DDHD2: variants seen among roughly 807,000 people sequenced by gnomAD.
The protein encoded by DDHD2 is DDHD domain containing 2.
A neutral mutation model predicts 91.2 loss-of-function variants in DDHD2; 62 were observed. The observed-to-expected ratio is 0.68, with a 90% confidence interval of 0.55 to 0.84. The LOEUF is 0.84. DDHD2 is among the 40% of genes least tolerant of loss of function. The pLI is 0.00. For synonymous variants in DDHD2, 271 were observed against 293.9 expected, an observed-to-expected ratio of 0.92 and a Z score of 0.80; for missense variants, 740 against 846.9, an observed-to-expected ratio of 0.87 and a Z score of 1.57.
chr8:38,267,408 TGGTTG>T, downstream of DDHD2: 1 of 1,610,650 alleles, frequency 6.2e-7, no homozygotes, highest in Non-Finnish European at 8.5e-7. Context: ...GAAAGCAGCA[TGGTTG>T]GAACGTAAAT....
Position 38,259,444 on chromosome 8 carries a change from G to A in DDHD2, c.2055-596G>A, listed in dbSNP as rs375186323. 1.1e-3 allele frequency among the ~76,000 whole-genome samples: 162 copies of A among 151,202 alleles called. 1 individual carries two copies. Among genetic ancestry groups the A allele is most frequent in the African/African-American group, 3.6e-3 (149 of 41,138 alleles). ...CCTATCTGCCAGGCTGGAGTGCAGT[G>A]GTGCAATCTCGGCTCACTGCAACCT... On this transcript the variant is annotated intron_variant, in intron 16 of 17. Transcript: ENST00000397166.
downstream of DDHD2, chr8:38,264,563 C>T: frequency 1.3e-6 from 2 of 1,588,380 alleles, no homozygotes; most frequent in Non-Finnish European, 1.7e-6. Context: ...CGATAGCAGA[C>T]ATAGGCAAAT....
At chr8:38,269,121 C>G in intron 1 of DDHD2, 1 of 1,524,516 alleles carries the variant, frequency 6.6e-7, no homozygotes, top group Non-Finnish European at 8.8e-7. Flanking sequence ...GTGGATCTTT[C>G]TTACAGGAAG....
At chr8:38,253,448 CAG>C (rs1284991094) in intron 15 of DDHD2, 106 bp from the exon 16 acceptor site, 10 of 975,628 alleles carry the variant, frequency 1.0e-5, no homozygotes, top group Non-Finnish European at 1.5e-5. Flanking sequence ...GCTCTCTGAA[CAG>C]AGAGTAGCTC....
At chr8:38,233,243 C>A (rs112920396) in intron 2 of DDHD2, 29 bp downstream of exon 2, 2 of 1,537,000 alleles carry the variant, frequency 1.3e-6, no homozygotes, top group East Asian at 4.5e-5. Flanking sequence ...TTGGAATAGA[C>A]AAAGACTCTC....
chr8:38,250,742 A>C (rs1040678419), intron 11 of DDHD2: 1 of 152,078 alleles, frequency 6.6e-6, no homozygotes, highest in Non-Finnish European at 1.5e-5. Flanking sequence ...TAGTATATTC[A>C]TAGAGTTATG....
chr8:38,249,799 C>T lies in DDHD2; in HGVS notation c.1340C>T (p.Ser447Leu), dbSNP rs772655754. ...ILNYFSTRKN[S>L]MGIKRPAPQP... ...AACTATTTCAGCACCAGAAAAAACTCAATGGTATGTGCCTAATACAGCTTG... is the reference window on the plus strand; with the variant it reads ...AACTATTTCAGCACCAGAAAAAACTTAATGGTATGTGCCTAATACAGCTTG... Residue 447 changes from serine (S) to leucine (L), a missense_variant, in exon 11 of 18, where the codon TCA becomes TTA. Coordinates refer to ENST00000397166, the MANE Select transcript of DDHD2 (RefSeq NM_015214.3). The T allele has an allele frequency of 3.8e-6, 6 of 1,596,500 alleles. No homozygotes were observed. Among genetic ancestry groups the T allele is most frequent in the Non-Finnish European group, 1.7e-6 (2 of 1,164,992 alleles).
chr8:38,250,263 C>CTTTTTTTTTT (rs34440135), intron 11 of DDHD2: 1 of 142,406 alleles, frequency 7.0e-6, no homozygotes, highest in Non-Finnish European at 1.6e-5. Context: ...TTTTTACATT[C>CTTTTTTTTTT]TTTTTTTTTT....
At position 38,240,423 on chromosome 8, in the gene DDHD2, G is replaced by A. The variant is rs915243795; in HGVS notation, c.712+59G>A. The A allele has an allele frequency of 2.3e-6, 3 of 1,279,094 alleles. No homozygotes were observed. The African/African-American group carries it at 4.4e-5, about 19-fold the overall frequency. The allele number at this position is 1,279,094 out of a possible 1,614,324, so 79.2% of individuals were successfully genotyped here. On this transcript the variant is annotated intron_variant, in intron 6 of 17. Transcript: ENST00000397166. ...CAGTGCTCTTGTGAGCTGAGATAAA[G>A]CCTTGTCTTTGGTCTATTGTCTTAG...
In DDHD2 at chr8:38,232,843, G is replaced by A. The variant is rs908919358; in HGVS notation, c.-8-144G>A. On this transcript the variant is annotated intron_variant, in intron 1 of 17. Transcript: ENST00000397166. The stretch of plus-strand genomic sequence containing the variant: ...TCCACCCATCCAGTTGCTAATTTAT[G>A]TTATTTCTCTTTTAAATTATGTAGA... The A allele has an allele frequency of 3.7e-5, 23 of 622,414 alleles. No individual in the cohort carries two copies. The African/African-American group carries it at 4.1e-4, about 11-fold the overall frequency. The allele number at this position is 622,414 out of a possible 1,614,324, so 38.6% of individuals were successfully genotyped here. A position where few individuals can be genotyped will look rare whatever the true frequency, so the allele number is the denominator to read the frequency against.
chr8:38,268,454 G>A (rs750992401), intron 1 of DDHD2: 72 of 1,570,686 alleles, frequency 4.6e-5, no homozygotes, highest in Admixed American at 7.5e-5. Context: ...AGAGAGAAAT[G>A]CAATAACCTG....
downstream of DDHD2, chr8:38,265,462 T>C (rs1258095723): frequency 6.6e-6 from 1 of 151,940 alleles, no homozygotes; most frequent in Non-Finnish European, 1.5e-5. Context: ...CCCAGCTGAT[T>C]TTGTATTTTT....
In DDHD2 at chr8:38,241,901, A is replaced by G. The variant is rs534500971; in HGVS notation, c.713-349A>G. 3.1e-4 allele frequency: 59 copies of G among 187,676 alleles called. No individual in the cohort carries two copies. In the South Asian group the frequency reaches 6.2e-3, roughly 20 times the overall value. The allele number at this position is 187,676 out of a possible 1,614,324, so 11.6% of individuals were successfully genotyped here. On this transcript the variant is annotated intron_variant, in intron 6 of 17. Coordinates refer to ENST00000397166, the MANE Select transcript of DDHD2 (RefSeq NM_015214.3). ...AAACCCCATCTGTACTAAAAATACA[A>G]AAATTAGCTGGGCATGGTGGTATGT...
downstream of DDHD2, chr8:38,267,758 G>T: frequency 2.2e-6 from 2 of 908,000 alleles, no homozygotes; most frequent in Admixed American, 2.3e-5. Flanking sequence ...GGGAGTAAGC[G>T]TTGAATGACA....
Position 38,252,259 on chromosome 8 carries a change from G to A in DDHD2, c.1589G>A (p.Cys530Tyr). Residue 530 changes from cysteine to tyrosine, a missense_variant, in exon 13 of 18, where the codon TGC (cysteine) becomes TAC (tyrosine). Coordinates refer to ENST00000397166, the MANE Select transcript of DDHD2 (RefSeq NM_015214.3). ...GATCCCAACTACAGATTTCCAACGT[G>A]CAAAGGTTTCTTCAATATTTATCAC... ...RIDPNYRFPT[C>Y]KGFFNIYHPF... 3 of 1,613,792 alleles carry A rather than the reference G, an allele frequency of 1.9e-6. No individual in the cohort carries two copies. The highest frequency in any genetic ancestry group is 2.5e-6 in the Non-Finnish European group (3 of 1,179,904).
intron 1 of DDHD2, chr8:38,268,187 G>T: frequency 1.7e-6 from 2 of 1,154,620 alleles, no homozygotes; most frequent in Non-Finnish European, 2.4e-6. Context: ...TAGGCACAGG[G>T]CTGCCTGCCG....
intron 6 of DDHD2, among the ~76,000 whole-genome samples, chr8:38,241,511 C>T (rs1805255984): frequency 6.6e-6 from 1 of 151,854 alleles, no homozygotes; most frequent in Admixed American, 6.6e-5. Flanking sequence ...ACTTCTGCCT[C>T]CCGGGTTCAA....
At chr8:38,268,137 G>A (rs1807980643) in intron 1 of DDHD2, 1 of 1,396,360 alleles carries the variant, frequency 7.2e-7, no homozygotes, top group African/African-American at 1.4e-5. Context: ...TTTTGTACTA[G>A]GCCAAAGACA....
At chr8:38,259,850 T>G (rs747745303) in intron 16 of DDHD2, among the ~76,000 whole-genome samples, 190 bp from the exon 17 acceptor site, 1 of 152,200 alleles carries the variant, frequency 6.6e-6, no homozygotes, top group African/African-American at 2.4e-5. Flanking sequence ...ATTACTAGAC[T>G]TAATGCCAGA....
Sources: gnomAD v4.1 joint callset for allele counts (sites outside exome capture counted in the v4.1 genomes callset) on GRCh38, gnomAD v4.1.1 for gene constraint, MANE v1.5 for transcripts, NCBI Gene and HGNC (gene_info 2026-07-23, HGNC 2026-07-21) for gene names.